Variants in CYTH3 observed in about 807,000 individuals in gnomAD.
CYTH3 encodes cytohesin 3.
A neutral mutation model predicts 55.1 loss-of-function variants in CYTH3; 23 were observed. The observed-to-expected ratio is 0.42, with a 90% CI of 0.30 to 0.59. The LOEUF (loss-of-function observed/expected upper bound fraction) is 0.59. CYTH3 is among the 20% of genes least tolerant of loss of function. The pLI, the probability that CYTH3 is intolerant of heterozygous loss-of-function variation, is 0.20. For missense variants in CYTH3, 413 were observed against 524.8 expected, an observed-to-expected ratio of 0.79 and a Z score of 2.08; for synonymous variants, 249 against 194.9, an observed-to-expected ratio of 1.28 and a Z score of -2.31.
intron 1 of CYTH3, among the ~76,000 whole-genome samples, chr7:6,194,576 A>T (rs1472071315): frequency 6.6e-6 from 1 of 152,274 alleles, no homozygotes; most frequent in Non-Finnish European, 1.5e-5. Context: ...AAAGAAGTGC[A>T]TCTGCTATGA....
Position 6,187,034 on chromosome 7 carries a change from G to A in CYTH3, c.249+16C>T. The A allele has an allele frequency of 1.2e-6, 2 of 1,611,914 alleles. No homozygotes were observed. Among genetic ancestry groups the A allele is most frequent in the South Asian group, 1.1e-5 (1 of 91,038 alleles). ...TCCATCTCCTGCAGGCCAGAAAAGG[G>A]AGAGCATTCTCTTACCTTTTTGGGA... On this transcript the variant is annotated intron_variant, in intron 4 of 12. Transcript: ENST00000350796.
At chr7:6,219,785 GTTTT>G (rs780701198) in intron 1 of CYTH3, among the ~76,000 whole-genome samples, 2 of 151,534 alleles carry the variant, frequency 1.3e-5, no homozygotes, top group African/African-American at 4.9e-5. Flanking sequence ...TTTCCAGTAA[GTTTT>G]TTTTTAAGAG....
At chr7:6,231,466 G>A (rs563292397) in intron 1 of CYTH3, among the ~76,000 whole-genome samples, 1 of 152,132 alleles carries the variant, frequency 6.6e-6, no homozygotes, top group Non-Finnish European at 1.5e-5. Context: ...TGAGGCCGGG[G>A]TGTCTCCCAG....
chr7:6,257,872 G>A (rs1317891021), intron 1 of CYTH3, among the ~76,000 whole-genome samples: 1 of 152,128 alleles, frequency 6.6e-6, no homozygotes, highest in Admixed American at 6.6e-5. Context: ...TCCTGGGTGG[G>A]TGAAATTCAG....
intron 5 of CYTH3, among the ~76,000 whole-genome samples, chr7:6,175,082 AC>A (rs1783309177): frequency 6.6e-6 from 1 of 152,248 alleles, no homozygotes; most frequent in Non-Finnish European, 1.5e-5. Flanking sequence ...CTAAGGACTT[AC>A]ATCTAGATTA....
Position 6,173,746 on chromosome 7 carries a change from GAAGT to G in CYTH3, c.369-17_369-14del, listed in dbSNP as rs781164114. 1.1e-4 allele frequency: 168 copies of G among 1,517,214 alleles called. No individual in the cohort carries two copies. The highest frequency in any genetic ancestry group is 5.1e-4 in the Middle Eastern group (3 of 5,872). 94.0% of individuals were successfully genotyped at this position (1,517,214 alleles called of 1,614,324 possible). On this transcript the variant is annotated splice_polypyrimidine_tract_variant and intron_variant, in intron 5 of 12. Transcript: ENST00000350796. ...ATTAAATTCATCCCTGGGAAAAAAA[GAAGT>G]AAGTTTCAAACCTAATGTACATTAT...
At chr7:6,211,252 G>C (rs768707394) in intron 1 of CYTH3, among the ~76,000 whole-genome samples, 3 of 152,170 alleles carry the variant, frequency 2.0e-5, no homozygotes, top group Non-Finnish European at 2.9e-5. Flanking sequence ...CTGTCTAAAG[G>C]ACAGACTCTC....
chr7:6,235,652 C>T (rs776877673), intron 1 of CYTH3, among the ~76,000 whole-genome samples: 6 of 152,092 alleles, frequency 3.9e-5, no homozygotes, highest in African/African-American at 7.2e-5. Flanking sequence ...TTAGATACTA[C>T]ACTGAAATAA....
At chr7:6,258,842 A>G (rs1780202529) in intron 1 of CYTH3, among the ~76,000 whole-genome samples, 1 of 152,262 alleles carries the variant, frequency 6.6e-6, no homozygotes, top group African/African-American at 2.4e-5. Flanking sequence ...CTATAAAAAT[A>G]GCTCAATAAT....
At chr7:6,270,470 G>T (rs1471012285) in intron 1 of CYTH3, among the ~76,000 whole-genome samples, 1 of 152,072 alleles carries the variant, frequency 6.6e-6, no homozygotes, top group African/African-American at 2.4e-5. Flanking sequence ...GTCTTTGATG[G>T]TTTTTTTCCA....
intron 1 of CYTH3, among the ~76,000 whole-genome samples, chr7:6,230,002 T>C (rs959480882): frequency 1.3e-5 from 2 of 151,310 alleles, no homozygotes; most frequent in African/African-American, 4.9e-5. Flanking sequence ...GGTGTGGTGG[T>C]GCACACCTGT....
At chr7:6,173,226 C>T (rs1176937528) in intron 6 of CYTH3, among the ~76,000 whole-genome samples, 1 of 152,148 alleles carries the variant, frequency 6.6e-6, no homozygotes, top group African/African-American at 2.4e-5. Flanking sequence ...GAGTGTGTCC[C>T]AGACACCAAA....
At chr7:6,199,837 A>G (rs968034692) in intron 1 of CYTH3, among the ~76,000 whole-genome samples, 1 of 152,216 alleles carries the variant, frequency 6.6e-6, no homozygotes, top group Admixed American at 6.5e-5. Context: ...TATAAAACAG[A>G]ACAAAGGTTG....
At chr7:6,199,252 A>C (rs1469080632) in intron 1 of CYTH3, among the ~76,000 whole-genome samples, 1 of 152,234 alleles carries the variant, frequency 6.6e-6, no homozygotes, top group Non-Finnish European at 1.5e-5. Context: ...TCTATATTTT[A>C]GGTTCAGGTT....
intron 1 of CYTH3, among the ~76,000 whole-genome samples, chr7:6,263,728 G>A (rs1780413879): frequency 6.6e-6 from 1 of 151,770 alleles, no homozygotes; most frequent in Non-Finnish European, 1.5e-5. Flanking sequence ...AACCTGGGAG[G>A]TAGAGGTTTC....
intron 1 of CYTH3, among the ~76,000 whole-genome samples, chr7:6,193,044 C>T (rs1362065371): frequency 1.3e-5 from 2 of 150,928 alleles, no homozygotes; most frequent in Admixed American, 6.6e-5. Flanking sequence ...TAGTGGTGGG[C>T]GCCTGTAATC....
chr7:6,257,082 TAGA>T (rs754421824), intron 1 of CYTH3, among the ~76,000 whole-genome samples: 11 of 152,318 alleles, frequency 7.2e-5, no homozygotes, highest in Middle Eastern at 3.4e-3. Flanking sequence ...CGCAACATTT[TAGA>T]AGAAGACTTA....
intron 1 of CYTH3, among the ~76,000 whole-genome samples, chr7:6,240,036 T>G (rs1463760315): frequency 1.3e-5 from 2 of 152,170 alleles, no homozygotes; most frequent in Non-Finnish European, 2.9e-5. Flanking sequence ...CTGGGTGCAG[T>G]GGCTCACGCC....
intron 1 of CYTH3, among the ~76,000 whole-genome samples, chr7:6,219,830 G>C (rs1360145563): frequency 6.6e-6 from 1 of 151,958 alleles, no homozygotes; most frequent in Non-Finnish European, 1.5e-5. Context: ...ATTTATAATG[G>C]CAAGTCAAAG....
Sources: gnomAD v4.1 joint callset for allele counts (sites outside exome capture counted in the v4.1 genomes callset) on GRCh38, gnomAD v4.1.1 for gene constraint, MANE v1.5 for transcripts, NCBI Gene and HGNC (gene_info 2026-07-23, HGNC 2026-07-21) for gene names.